The following OSBPL6 variants were observed in gnomAD, a reference collection of about 807,000 sequenced individuals.
The protein encoded by OSBPL6 is oxysterol-binding protein-related protein 6.
In OSBPL6, 49 loss-of-function variants were observed where a neutral mutation model predicts 125.8. The observed-to-expected ratio is 0.39, with a 90% CI of 0.31 to 0.49. The LOEUF (loss-of-function observed/expected upper bound fraction) is 0.49, where lower values mean the gene tolerates loss of function less well. OSBPL6 is among the 20% of genes least tolerant of loss of function. The pLI is 0.88. For synonymous variants in OSBPL6, 394 were observed against 391.8 expected (o/e 1.01, Z -0.07); for missense variants, 986 against 1,135.4 (o/e 0.87, Z 1.89).
chr2:178,338,886 G>T (rs1689942986), intron 9 of OSBPL6, 105 bp from the exon 10 acceptor site: 5 of 701,610 alleles, frequency 7.1e-6, no homozygotes, highest in Non-Finnish European at 7.2e-6. Context: ...TATAAACATG[G>T]ATCTGCCTAC....
At chr2:178,286,401 A>G (rs943642660) in intron 2 of OSBPL6, among the ~76,000 whole-genome samples, 33 of 152,344 alleles carry the variant, frequency 2.2e-4, no homozygotes, top group Admixed American at 2.0e-3. Flanking sequence ...TCTGTATATG[A>G]GGTCACTTCT....
Position 178,361,828 on chromosome 2 carries a change from T to G in OSBPL6, c.1287+13T>G, listed in dbSNP as rs1327925492. Reference sequence around the variant, plus strand: ...GTCACTGTCTCAGGTAGGCAAAGAGTGTGTGTTTGCATGTACATGACACAC... The same window carrying G: ...GTCACTGTCTCAGGTAGGCAAAGAGGGTGTGTTTGCATGTACATGACACAC... On this transcript the variant is annotated intron_variant, in intron 13 of 24. Transcript: ENST00000190611. The G allele has an allele frequency of 1.3e-5, 21 of 1,613,148 alleles. No individual in the cohort carries two copies. In the Admixed American group the frequency reaches 3.5e-4, roughly 27 times the overall value.
chr2:178,344,145 G>A (rs1690478188), intron 11 of OSBPL6: 7 of 650,174 alleles, frequency 1.1e-5, no homozygotes, highest in Admixed American at 5.5e-5. Flanking sequence ...CCCTGTGAGC[G>A]CTTTTCGATG....
At chr2:178,335,836 C>T (rs184012189) in intron 8 of OSBPL6, among the ~76,000 whole-genome samples, 210 of 152,120 alleles carry the variant, frequency 1.4e-3, no homozygotes, top group Non-Finnish European at 1.3e-3. Context: ...ATTTCCAATA[C>T]GAATTCAAGG....
intron 3 of OSBPL6, among the ~76,000 whole-genome samples, chr2:178,314,441 T>C (rs7599195): frequency 0.18 from 26,723 of 152,162 alleles, 2,536 homozygotes; most frequent in Admixed American, 0.24. Context: ...TGCAGTGTCC[T>C]CTCTGGAGTG....
chr2:178,393,389 A>G (rs988744880), intron 23 of OSBPL6, among the ~76,000 whole-genome samples: 1 of 152,134 alleles, frequency 6.6e-6, no homozygotes, highest in Non-Finnish European at 1.5e-5. Flanking sequence ...GTAGCTCTGA[A>G]CTCATGATGT....
intron 17 of OSBPL6, among the ~76,000 whole-genome samples, 170 bp downstream of exon 17, chr2:178,383,447 A>G (rs1284617504): frequency 2.6e-5 from 4 of 152,212 alleles, no homozygotes; most frequent in Non-Finnish European, 5.9e-5. Flanking sequence ...CCTCCCAGAT[A>G]CCAACACAGG....
intron 1 of OSBPL6, among the ~76,000 whole-genome samples, chr2:178,225,256 GAAAGA>G (rs147732512): frequency 0.12 from 17,871 of 150,012 alleles, 1,088 homozygotes; most frequent in Middle Eastern, 0.2. Context: ...AAAAAAAAAG[GAAAGA>G]AAAGAAAAGA....
chr2:178,394,215 A>T, intron 23 of OSBPL6, 98 bp from the exon 24 acceptor site: 1 of 1,464,778 alleles, frequency 6.8e-7, no homozygotes, highest in Non-Finnish European at 9.4e-7. Context: ...GCGGTATTTT[A>T]TGTTCATAGC....
chr2:178,385,840 C>T lies in OSBPL6; in HGVS notation c.2077+319C>T, dbSNP rs116258365. 5.9e-3 allele frequency among the ~76,000 whole-genome samples: 901 copies of T among 152,340 alleles called. 11 individuals are homozygous for T. Among genetic ancestry groups the T allele is most frequent in the African/African-American group, 0.021 (866 of 41,574 alleles). On this transcript the variant is annotated intron_variant, in intron 19 of 24. Coordinates refer to ENST00000190611, the MANE Select transcript of OSBPL6 (RefSeq NM_032523.4). ...ATCTGTAACATGGAGGTTCCATCTG[C>T]TGCCTTCTTGGTTCTTCGGGGTGTG...
intron 1 of OSBPL6, among the ~76,000 whole-genome samples, chr2:178,230,187 C>A (rs2090756987): frequency 3.3e-5 from 5 of 152,140 alleles, no homozygotes; most frequent in Admixed American, 1.3e-4. Context: ...TGCTCAGATC[C>A]CATTGAGTAG....
rs1235186080 is a variant in OSBPL6 at position 178,400,271 on chromosome 2, T to G, written c.*4712T>G. 1 of 151,730 alleles carries G rather than the reference T, an allele frequency of 6.6e-6. No homozygotes were observed. Among genetic ancestry groups the G allele is most frequent in the Non-Finnish European group, 1.5e-5 (1 of 67,984 alleles). The allele number at this position is 151,730 out of a possible 1,614,324, so 9.4% of individuals were successfully genotyped here. A position where few individuals can be genotyped will look rare whatever the true frequency, so the allele number is the denominator to read the frequency against. On this transcript the variant is annotated 3_prime_UTR_variant, in exon 25 of 25. Coordinates refer to ENST00000190611, the MANE Select transcript of OSBPL6 (RefSeq NM_032523.4). ...CAAGTTCTTTTTTTGTTAATTTTAT[T>G]GATATTGCTGTACTTTTTTTTTTTT...
intron 1 of OSBPL6, chr2:178,230,481 T>C (rs1480640298): frequency 6.6e-6 from 1 of 152,204 alleles, no homozygotes; most frequent in Non-Finnish European, 1.5e-5. Context: ...ACATGAAGTA[T>C]GGATGTATAT....
intron 19 of OSBPL6, among the ~76,000 whole-genome samples, chr2:178,385,816 T>G (rs1307983481): frequency 1.3e-5 from 2 of 152,256 alleles, no homozygotes; most frequent in Non-Finnish European, 2.9e-5. Flanking sequence ...ATTGTCTGCA[T>G]CTGTAACATG....
At position 178,361,818 on chromosome 2, in the gene OSBPL6, AG is replaced by A; in HGVS notation, c.1287+5del. ...GGCTCCGACAGTCACTGTCTCAGGT[AG>A]GCAAAGAGTGTGTGTTTGCATGTAC... On this transcript the variant is annotated splice_donor_region_variant and intron_variant, in intron 13 of 24. Coordinates refer to ENST00000190611, the MANE Select transcript of OSBPL6 (RefSeq NM_032523.4). 2.5e-6 allele frequency: 4 copies of A among 1,613,928 alleles called. No individual in the cohort carries two copies. The highest frequency in any genetic ancestry group is 3.4e-6 in the Non-Finnish European group (4 of 1,179,864).
intron 3 of OSBPL6, among the ~76,000 whole-genome samples, chr2:178,311,968 G>A (rs577208199): frequency 6.6e-6 from 1 of 152,224 alleles, no homozygotes; most frequent in South Asian, 2.1e-4. Context: ...TAATTAAATT[G>A]AAATGGCGTC....
At chr2:178,257,192 T>A (rs903981565) in intron 1 of OSBPL6, among the ~76,000 whole-genome samples, 2 of 152,278 alleles carry the variant, frequency 1.3e-5, no homozygotes, top group Non-Finnish European at 2.9e-5. Context: ...CTTCAGTGAG[T>A]TTTATAATGG....
chr2:178,333,941 C>G (rs1303521885), intron 8 of OSBPL6, among the ~76,000 whole-genome samples: 1 of 152,152 alleles, frequency 6.6e-6, no homozygotes, highest in African/African-American at 2.4e-5. Flanking sequence ...AGTGACATAG[C>G]CATTAAACAG....
chr2:178,382,694 G>T, intron 16 of OSBPL6, 187 bp downstream of exon 16: 1 of 1,455,536 alleles, frequency 6.9e-7, no homozygotes, highest in Non-Finnish European at 9.1e-7. Context: ...AAATCTGTTA[G>T]GTAAATAGTT....
Sources: gnomAD v4.1 joint callset for allele counts (sites outside exome capture counted in the v4.1 genomes callset) on GRCh38, gnomAD v4.1.1 for gene constraint, MANE v1.5 for transcripts, NCBI Gene and HGNC (gene_info 2026-07-23, HGNC 2026-07-21) for gene names.